Variants in PXDNL observed in about 807,000 individuals in gnomAD.
PXDNL encodes the protein peroxidasin like.
Under a neutral mutation model 150.8 loss-of-function variants are expected in PXDNL, and 145 were observed. The ratio of observed to expected loss-of-function variants is 0.96; its 90% confidence interval spans 0.84 to 1.10. The LOEUF is 1.10. Ranked by LOEUF, PXDNL falls within the 50% of genes least tolerant of loss-of-function variation. The pLI is 0.00. For missense variants in PXDNL, 2,087 were observed against 1,873.9 expected (o/e 1.11, Z -2.10); for synonymous variants, 757 against 725.7 (o/e 1.04, Z -0.69).
intron 1 of PXDNL, among the ~76,000 whole-genome samples, chr8:51,709,954 TAGG>T (rs1477743556): frequency 6.6e-6 from 1 of 152,106 alleles, no homozygotes; most frequent in Admixed American, 6.5e-5. Flanking sequence ...TAATGAGGAG[TAGG>T]AGTTTTGACA....
chr8:51,803,302 C>G (rs2037640673), intron 1 of PXDNL, among the ~76,000 whole-genome samples: 1 of 152,148 alleles, frequency 6.6e-6, no homozygotes, highest in Admixed American at 6.5e-5. Flanking sequence ...ACTGCGAGGT[C>G]CAGTAGAAAA....
intron 17 of PXDNL, among the ~76,000 whole-genome samples, chr8:51,391,074 C>A (rs1055000139): frequency 6.6e-6 from 1 of 152,164 alleles, no homozygotes; most frequent in Non-Finnish European, 1.5e-5. Flanking sequence ...AGGACATGAA[C>A]TCATCATTTG....
intron 5 of PXDNL, among the ~76,000 whole-genome samples, chr8:51,489,148 T>C (rs1054164376): frequency 1.3e-5 from 2 of 152,138 alleles, no homozygotes; most frequent in African/African-American, 4.8e-5. Flanking sequence ...TAATATTCAA[T>C]TAAGGTATCT....
At chr8:51,353,837 A>T (rs756622134) in intron 19 of PXDNL, among the ~76,000 whole-genome samples, 16 of 152,122 alleles carry the variant, frequency 1.1e-4, no homozygotes, top group Non-Finnish European at 4.4e-5. Flanking sequence ...TCTTACTTAC[A>T]TTCAACTGTG....
intron 2 of PXDNL, among the ~76,000 whole-genome samples, chr8:51,644,659 G>A (rs1041784759): frequency 3.9e-4 from 59 of 151,308 alleles, no homozygotes; most frequent in African/African-American, 1.3e-3. Flanking sequence ...GGGTTTCACC[G>A]TGTTAGCCAG....
At chr8:51,629,029 T>C (rs945121866) in intron 2 of PXDNL, among the ~76,000 whole-genome samples, 2 of 151,944 alleles carry the variant, frequency 1.3e-5, no homozygotes, top group Non-Finnish European at 2.9e-5. Flanking sequence ...CTAATGAAAA[T>C]TGTCCATGAT....
In PXDNL at chr8:51,409,133, G is replaced by T; in HGVS notation, c.2491C>A (p.Pro831Thr). Reference protein sequence around the residue: ...LSTARFSDGRPCSSVCTNDPP... With the variant: ...LSTARFSDGRTCSSVCTNDPP... ...TCGTTGGTGCAGACGGAGCTGCACG[G>T]CCGCCCATCCGAGAAGCGGGCTGTG... Residue 831 changes from proline (P) to threonine (T), a missense_variant, in exon 17 of 23, where the codon CCG (proline) becomes ACG (threonine). Pro to Thr is a conservative substitution (Grantham distance 38). Coordinates refer to ENST00000356297, the MANE Select transcript of PXDNL (RefSeq NM_144651.5). 6.2e-7 allele frequency: 1 copy of T among 1,605,010 alleles called. No homozygotes were observed.
chr8:51,603,934 T>C (rs1430760879), intron 2 of PXDNL, among the ~76,000 whole-genome samples: 3 of 152,158 alleles, frequency 2.0e-5, no homozygotes, highest in Admixed American at 2.0e-4. Context: ...CACAAGTAAT[T>C]ACTATCATAA....
At chr8:51,625,273 G>A (rs895605010) in intron 2 of PXDNL, among the ~76,000 whole-genome samples, 2 of 152,002 alleles carry the variant, frequency 1.3e-5, no homozygotes, top group African/African-American at 4.8e-5. Flanking sequence ...AGCAAGCTAA[G>A]ACTCTTTCTT....
At chr8:51,454,931 G>A (rs1349262942) in intron 9 of PXDNL, among the ~76,000 whole-genome samples, 3 of 151,960 alleles carry the variant, frequency 2.0e-5, no homozygotes, top group African/African-American at 7.2e-5. Context: ...TGTGATAGGA[G>A]AACATTCTGG....
chr8:51,807,916 G>T (rs1157061015), intron 1 of PXDNL, among the ~76,000 whole-genome samples: 6 of 152,202 alleles, frequency 3.9e-5, no homozygotes, highest in African/African-American at 1.4e-4. Flanking sequence ...TTCTGAGTCT[G>T]AAGGCACTTG....
chr8:51,397,668 T>A (rs1307705470), intron 17 of PXDNL, among the ~76,000 whole-genome samples: 1 of 152,054 alleles, frequency 6.6e-6, no homozygotes, highest in Non-Finnish European at 1.5e-5. Flanking sequence ...GGGGTAACAA[T>A]ATTAGGTGCC....
chr8:51,498,861 A>C (rs1026903522), intron 5 of PXDNL, among the ~76,000 whole-genome samples: 2 of 152,192 alleles, frequency 1.3e-5, no homozygotes, highest in African/African-American at 4.8e-5. Context: ...TTAGATTATT[A>C]TTCTCAGAAT....
At chr8:51,619,078 GTCTC>G (rs1257759329) in intron 2 of PXDNL, among the ~76,000 whole-genome samples, 1 of 152,092 alleles carries the variant, frequency 6.6e-6, no homozygotes, top group African/African-American at 2.4e-5. Flanking sequence ...CAGAAGCAAA[GTCTC>G]TCTCTGACCT....
chr8:51,558,206 AC>A (rs1262557674), intron 3 of PXDNL, among the ~76,000 whole-genome samples: 2 of 152,048 alleles, frequency 1.3e-5, no homozygotes, highest in Admixed American at 6.6e-5. Context: ...TTTGAGTTCT[AC>A]CCAAGCCTTA....
At chr8:51,742,483 G>T (rs908209756) in intron 1 of PXDNL, among the ~76,000 whole-genome samples, 1 of 151,940 alleles carries the variant, frequency 6.6e-6, no homozygotes, top group Non-Finnish European at 1.5e-5. Context: ...TAGGACGTTA[G>T]TTACCATTAA....
chr8:51,616,368 G>A (rs7006545), intron 2 of PXDNL, among the ~76,000 whole-genome samples: 12,304 of 152,196 alleles, frequency 0.081, 625 homozygotes, highest in African/African-American at 0.13. Context: ...GATCAGCCAC[G>A]ATGCCATACT....
chr8:51,716,648 C>A (rs1816621722), intron 1 of PXDNL, among the ~76,000 whole-genome samples: 1 of 152,216 alleles, frequency 6.6e-6, no homozygotes, highest in South Asian at 2.1e-4. Context: ...CTCCATATTA[C>A]TTTTTGTGTA....
At chr8:51,610,066 C>A (rs1813966561) in intron 2 of PXDNL, among the ~76,000 whole-genome samples, 1 of 152,028 alleles carries the variant, frequency 6.6e-6, no homozygotes, top group Non-Finnish European at 1.5e-5. Context: ...CTCTAGCAAC[C>A]AGGAATAGGT....
Sources: gnomAD v4.1 joint callset for allele counts (sites outside exome capture counted in the v4.1 genomes callset) on GRCh38, gnomAD v4.1.1 for gene constraint, MANE v1.5 for transcripts, NCBI Gene and HGNC (gene_info 2026-07-23, HGNC 2026-07-21) for gene names.